The following PDE4B variants were observed in gnomAD, a reference collection of about 807,000 sequenced individuals.
The protein encoded by PDE4B is phosphodiesterase 4B, also known as 3',5'-cyclic-AMP phosphodiesterase 4B.
PDE4B carries 20 observed loss-of-function variants against 82.2 expected under a neutral mutation model. The observed-to-expected ratio is 0.24, with a 90% CI of 0.17 to 0.35. PDE4B has a LOEUF of 0.35. Ranked by LOEUF, PDE4B falls within the 10% of genes least tolerant of loss-of-function variation. PDE4B has a pLI of 1.00. For missense variants in PDE4B, 655 were observed against 907.2 expected (o/e 0.72, Z 3.57); for synonymous variants, 320 against 318.9 (o/e 1.00, Z -0.04).
rs988219876 is a variant in PDE4B, at chr1:65,989,909, C to A, written c.281+71074C>A. Among the ~76,000 whole-genome samples the A allele has an allele frequency of 1.5e-4, 13 of 88,786 alleles. 1 individual carries two copies. The highest frequency in any genetic ancestry group is 2.4e-4 in the Non-Finnish European group (10 of 42,344). 58.2% of individuals were successfully genotyped at this position (88,786 alleles called of 152,430 possible). ...AAGTGTCTCATTTTTTTTTTTTTGG[C>A]AGTTTGGCTCTAAAAACAAACTTTC... On this transcript the variant is annotated intron_variant, in intron 3 of 16. Coordinates refer to ENST00000341517, the MANE Select transcript of PDE4B (RefSeq NM_002600.4).
At chr1:66,342,057 G>A (rs184287222) in intron 8 of PDE4B, among the ~76,000 whole-genome samples, 114 of 152,220 alleles carry the variant, frequency 7.5e-4, no homozygotes, top group African/African-American at 2.6e-3. Flanking sequence ...CTTAGTATGT[G>A]TAGATCCCTA....
rs758382247 is a variant in PDE4B at position 66,367,818 on chromosome 1, C to T, written c.1507C>T (p.Arg503Cys). 53 of 1,613,640 alleles carry T rather than the reference C, an allele frequency of 3.3e-5. No homozygotes were observed. Among genetic ancestry groups the T allele is most frequent in the Middle Eastern group, 3.3e-4 (2 of 6,078 alleles). The stretch of plus-strand genomic sequence containing the variant: ...CTTCATGAATCTCACCAAGAAGCAG[C>T]GTCAGACACTCAGGAAGATGGTTAT... Reference protein sequence around the residue: ...DIFMNLTKKQRQTLRKMVIDM... With the variant: ...DIFMNLTKKQCQTLRKMVIDM... The change falls in exon 14 of 17, where the codon CGT becomes TGT. Residue 503 changes from arginine (R) to cysteine (C), a missense_variant. Transcript: ENST00000341517.
intron 1 of PDE4B, among the ~76,000 whole-genome samples, chr1:65,816,863 T>C (rs1335138351): frequency 6.6e-6 from 1 of 152,238 alleles, no homozygotes; most frequent in Non-Finnish European, 1.5e-5. Flanking sequence ...TATAAAATTA[T>C]AATTTTGAAA....
intron 7 of PDE4B, chr1:66,331,678 G>A: frequency 1.1e-6 from 1 of 880,362 alleles, no homozygotes; most frequent in South Asian, 5.2e-5. Flanking sequence ...GTTCACATCT[G>A]GCTCCACCTG....
chr1:65,906,133 C>T lies in PDE4B; in HGVS notation c.-70-7112C>T, dbSNP rs150316340. On this transcript the variant is annotated intron_variant, in intron 1 of 16. Coordinates refer to ENST00000341517, the MANE Select transcript of PDE4B (RefSeq NM_002600.4). ...TCCTAGAGTGGCTGTTTGATAAATA[C>T]CTTTGAGGGTAGCATTAGAAGATCT... Among the ~76,000 whole-genome samples, 41 of 152,102 alleles carry T rather than the reference C, an allele frequency of 2.7e-4. No individual in the cohort carries two copies. The East Asian group carries it at 7.7e-3, about 29-fold the overall frequency.
chr1:65,916,405 C>CT (rs765193943), intron 2 of PDE4B, among the ~76,000 whole-genome samples: 12 of 151,810 alleles, frequency 7.9e-5, no homozygotes, highest in Non-Finnish European at 1.3e-4. Context: ...GGTAATAGTT[C>CT]TTTTTTCTAA....
chr1:66,117,603 ATGTT>A (rs1257818074), intron 3 of PDE4B, among the ~76,000 whole-genome samples: 1 of 151,746 alleles, frequency 6.6e-6, no homozygotes, highest in Non-Finnish European at 1.5e-5. Context: ...GTATTTTTGT[ATGTT>A]CCTCATAATA....
At chr1:66,247,731 A>T in intron 4 of PDE4B, 77 bp downstream of exon 4, 1 of 1,062,208 alleles carries the variant, frequency 9.4e-7, no homozygotes. Flanking sequence ...AGCAACAACA[A>T]TTCCCCATTA....
intron 3 of PDE4B, among the ~76,000 whole-genome samples, chr1:65,963,681 T>TGG (rs1649660881): frequency 6.6e-6 from 1 of 152,240 alleles, no homozygotes; most frequent in Admixed American, 6.5e-5. Context: ...TTTAGCCACA[T>TGG]GGGTGCTAAC....
chr1:66,352,077 G>A (rs1661876137), intron 8 of PDE4B, among the ~76,000 whole-genome samples: 1 of 152,104 alleles, frequency 6.6e-6, no homozygotes, highest in Admixed American at 6.5e-5. Flanking sequence ...TGAGAGCAAT[G>A]ATTGCTTTCA....
intron 8 of PDE4B, among the ~76,000 whole-genome samples, chr1:66,339,030 A>AC (rs1342291327): frequency 1.3e-5 from 2 of 151,924 alleles, no homozygotes; most frequent in African/African-American, 4.8e-5. Flanking sequence ...AAAAAAAAAA[A>AC]AAAAAAAGAG....
chr1:66,148,406 T>C (rs1646317896), intron 3 of PDE4B, among the ~76,000 whole-genome samples: 2 of 152,206 alleles, frequency 1.3e-5, no homozygotes, highest in South Asian at 2.1e-4. Context: ...TGAAGGATGC[T>C]GAAAGCTTTC....
intron 1 of PDE4B, among the ~76,000 whole-genome samples, chr1:65,838,432 G>T (rs1251077712): frequency 1.3e-5 from 2 of 149,474 alleles, no homozygotes; most frequent in Non-Finnish European, 3.0e-5. Context: ...TTTACATTTT[G>T]ATCTAATTAA....
intron 8 of PDE4B, among the ~76,000 whole-genome samples, chr1:66,353,869 A>G (rs1240268261): frequency 6.6e-6 from 1 of 152,226 alleles, no homozygotes; most frequent in African/African-American, 2.4e-5. Flanking sequence ...CTTTCAGTAA[A>G]TGAATGTTCA....
chr1:66,255,921 T>C (rs1654183749), intron 4 of PDE4B, among the ~76,000 whole-genome samples: 2 of 152,208 alleles, frequency 1.3e-5, no homozygotes, highest in African/African-American at 2.4e-5. Flanking sequence ...ACTCCAGCAC[T>C]TGGGAGGCCA....
intron 3 of PDE4B, among the ~76,000 whole-genome samples, chr1:65,997,143 CCT>C (rs1651590031): frequency 6.8e-6 from 1 of 146,438 alleles, no homozygotes; most frequent in African/African-American, 2.5e-5. Flanking sequence ...ACTGCACCCC[CCT>C]GACCCACCCC....
chr1:66,332,699 G>A, intron 8 of PDE4B, 79 bp downstream of exon 8: 1 of 1,126,876 alleles, frequency 8.9e-7, no homozygotes, highest in Non-Finnish European at 1.3e-6. Context: ...CTGCAGCAGA[G>A]TGCACCAGGG....
At chr1:66,190,471 G>T (rs559767933) in intron 3 of PDE4B, among the ~76,000 whole-genome samples, 4 of 152,308 alleles carry the variant, frequency 2.6e-5, no homozygotes, top group African/African-American at 7.2e-5. Context: ...TTGAGCTGTG[G>T]TGGGCTCCAC....
chr1:66,202,605 C>A (rs368403976), intron 3 of PDE4B, among the ~76,000 whole-genome samples: 2 of 151,202 alleles, frequency 1.3e-5, no homozygotes, highest in African/African-American at 4.9e-5. Context: ...TATGTAATGG[C>A]CTTCTTTGTC....
Sources: gnomAD v4.1 joint callset for allele counts (sites outside exome capture counted in the v4.1 genomes callset) on GRCh38, gnomAD v4.1.1 for gene constraint, MANE v1.5 for transcripts, NCBI Gene and HGNC (gene_info 2026-07-23, HGNC 2026-07-21) for gene names.